Variants in CD36 observed in about 807,000 individuals in gnomAD.
CD36 encodes the protein platelet glycoprotein 4.
A neutral mutation model predicts 55.2 loss-of-function variants in CD36; 119 were observed. That is an observed-to-expected ratio of 2.15 (90% CI 1.86 to 2.51). CD36 has a LOEUF of 2.51. Among genes scored for constraint, CD36 ranks in the 30% most tolerant of loss-of-function variants. The probability of loss-of-function intolerance (pLI) is 0.00; values close to 1 mark genes in which losing one functional copy is unlikely to be tolerated. For missense variants in CD36, 819 were observed against 555.5 expected (o/e 1.47, Z -4.77); for synonymous variants, 186 against 193.6 (o/e 0.96, Z 0.33).
intron 1 of CD36, among the ~76,000 whole-genome samples, chr7:80,609,747 G>A (rs931620375): frequency 2.6e-5 from 4 of 152,172 alleles, no homozygotes; most frequent in African/African-American, 9.7e-5. Context: ...AATTTCACAC[G>A]TAATCTGAAG....
At chr7:80,674,838 C>T (rs1411998592) in intron 14 of CD36, among the ~76,000 whole-genome samples, 1 of 152,026 alleles carries the variant, frequency 6.6e-6, no homozygotes, top group Non-Finnish European at 1.5e-5. Flanking sequence ...TAAATAAAAG[C>T]AGTATGTGTG....
At chr7:80,622,146 C>T (rs578132063) in intron 1 of CD36, among the ~76,000 whole-genome samples, 1 of 152,208 alleles carries the variant, frequency 6.6e-6, no homozygotes, top group Non-Finnish European at 1.5e-5. Flanking sequence ...GGGGGGACCA[C>T]CCCTGCATCT....
chr7:80,670,076 A>G, intron 9 of CD36, 54 bp downstream of exon 9: 1 of 1,072,196 alleles, frequency 9.3e-7, no homozygotes, highest in Non-Finnish European at 1.4e-6. Context: ...AGGTGACAAA[A>G]TGCAGACCAA....
At chr7:80,656,368 T>C (rs2116574904) in intron 3 of CD36, among the ~76,000 whole-genome samples, 172 bp from the exon 4 acceptor site, 1 of 152,294 alleles carries the variant, frequency 6.6e-6, no homozygotes, top group Admixed American at 6.5e-5. Flanking sequence ...GTAATAATAA[T>C]TTGTTGAAAA....
chr7:80,663,257 T>G, intron 6 of CD36, 88 bp downstream of exon 6: 1 of 1,137,226 alleles, frequency 8.8e-7, no homozygotes, highest in Non-Finnish European at 1.3e-6. Context: ...ATAATTTAGC[T>G]CATTAGTCTT....
chr7:80,644,982 A>G (rs1257554318), intron 1 of CD36, among the ~76,000 whole-genome samples: 1 of 151,778 alleles, frequency 6.6e-6, no homozygotes, highest in East Asian at 2.0e-4. Context: ...TTATTACAGT[A>G]GGATCCACTC....
chr7:80,665,375 G>A (rs1796975504), intron 7 of CD36, among the ~76,000 whole-genome samples: 1 of 105,488 alleles, frequency 9.5e-6, no homozygotes, highest in Admixed American at 9.6e-5. Context: ...AAAACCAAAA[G>A]AGATGAAATG....
chr7:80,658,759 G>T (rs142711213), intron 4 of CD36, among the ~76,000 whole-genome samples: 5 of 152,160 alleles, frequency 3.3e-5, no homozygotes, highest in African/African-American at 2.4e-5. Context: ...GCCTCGCAAA[G>T]TGTTGGGATT....
rs200757788 is a variant in CD36, at chr7:80,671,033, G to T, written c.875G>T (p.Arg292Ile). ...DVNLKGIPVY[R>I]FVLPSKAFAS... ...AATCTGAAAGGAATCCCTGTGTATA[G>T]ATTTGTTCTTCCATCCAAGGCCTTT... Residue 292 changes from arginine (R) to isoleucine (I), a missense_variant, in exon 10 of 15, where the codon AGA becomes ATA. Transcript: ENST00000447544. 114 of 1,613,190 alleles carry T rather than the reference G, an allele frequency of 7.1e-5. No individual in the cohort carries two copies. The Middle Eastern group carries it at 1.3e-3, about 19-fold the overall frequency.
At chr7:80,626,341 G>T (rs1311725741) in intron 1 of CD36, 2 of 151,950 alleles carry the variant, frequency 1.3e-5, no homozygotes, top group African/African-American at 4.8e-5. Flanking sequence ...ATTTATAATG[G>T]TCGAGAACTA....
chr7:80,669,697 A>C (rs564399450), intron 8 of CD36, among the ~76,000 whole-genome samples: 1 of 152,110 alleles, frequency 6.6e-6, no homozygotes, highest in African/African-American at 2.4e-5. Context: ...GGGTTTCACC[A>C]TGTAGGCCAG....
At chr7:80,659,940 G>T (rs1390169206) in intron 4 of CD36, among the ~76,000 whole-genome samples, 6 of 151,974 alleles carry the variant, frequency 3.9e-5, no homozygotes, top group African/African-American at 1.4e-4. Flanking sequence ...TGAGACATTT[G>T]TTTAGTAAAT....
At chr7:80,643,708 C>T (rs148159817) in intron 1 of CD36, among the ~76,000 whole-genome samples, 137 of 152,182 alleles carry the variant, frequency 9.0e-4, no homozygotes, top group African/African-American at 3.1e-3. Context: ...CCAGTTCAGC[C>T]GCTTAAATTA....
In CD36 at chr7:80,663,170, G is replaced by T. The variant is rs755124649; in HGVS notation, c.609+1G>T. 2.5e-6 allele frequency: 4 copies of T among 1,609,784 alleles called. No homozygotes were observed. The Admixed American group carries it at 5.0e-5, about 20-fold the overall frequency. On this transcript the variant is annotated splice_donor_variant, in intron 6 of 14. Transcript: ENST00000447544. LOFTEE classifies it high-confidence loss of function. ...TACCACAGTTGGTCTGTTTTATCCT[G>T]TAAGTACCAAATATGAATGGCAATA... is the stretch of plus-strand genomic sequence containing the variant.
chr7:80,669,868 A>G (rs1797479213), intron 8 of CD36, 85 bp from the exon 9 acceptor site: 1 of 900,178 alleles, frequency 1.1e-6, no homozygotes, highest in Non-Finnish European at 1.9e-6. Context: ...TTACATTTCT[A>G]TGGACTACAC....
chr7:80,659,971 A>G (rs1374176449), intron 4 of CD36, among the ~76,000 whole-genome samples: 1 of 152,122 alleles, frequency 6.6e-6, no homozygotes, highest in Non-Finnish European at 1.5e-5. Flanking sequence ...AGAACTCATT[A>G]TATACCAGGC....
chr7:80,624,952 C>T (rs921958924), intron 1 of CD36: 8 of 152,218 alleles, frequency 5.3e-5, no homozygotes, highest in Admixed American at 2.6e-4. Context: ...AGGTCACACG[C>T]AGTCTCTGCT....
upstream of CD36, among the ~76,000 whole-genome samples, chr7:80,636,532 C>CA (rs5885186): frequency 0.63 from 78,283 of 124,342 alleles, 22,289 homozygotes; most frequent in East Asian, 0.72. Flanking sequence ...TGATCTCTTG[C>CA]AAAAAAAAAA....
intron 1 of CD36, among the ~76,000 whole-genome samples, chr7:80,606,779 C>T (rs886886995): frequency 6.6e-6 from 1 of 152,130 alleles, no homozygotes; most frequent in Non-Finnish European, 1.5e-5. Context: ...CAGTACTGTT[C>T]TTTGCTAGCC....
Sources: gnomAD v4.1 joint callset for allele counts (sites outside exome capture counted in the v4.1 genomes callset) on GRCh38, gnomAD v4.1.1 for gene constraint, MANE v1.5 for transcripts, NCBI Gene and HGNC (gene_info 2026-07-23, HGNC 2026-07-21) for gene names.